Variants in HLTF observed in about 807,000 individuals in gnomAD.
The protein encoded by HLTF is DNA-dependent ATPase/E3 ubiquitin-protein ligase HLTF.
A neutral mutation model predicts 129.4 loss-of-function variants in HLTF; 127 were observed. The observed-to-expected ratio is 0.98, with a 90% confidence interval of 0.85 to 1.14. The LOEUF is 1.14. Ranked by LOEUF, HLTF falls within the 50% of genes most tolerant of loss-of-function variation. The pLI, the probability that HLTF is intolerant of heterozygous loss-of-function variation, is 0.00. For missense variants in HLTF, 1,139 were observed against 1,187.1 expected, an observed-to-expected ratio of 0.96 and a Z score of 0.60; for synonymous variants, 332 against 388.8, an observed-to-expected ratio of 0.85 and a Z score of 1.72.
At chr3:149,074,482 G>T in intron 3 of HLTF, 134 bp from the exon 4 acceptor site, 1 of 729,064 alleles carries the variant, frequency 1.4e-6, no homozygotes, top group Non-Finnish European at 2.0e-6. Context: ...TAGTTGGGCA[G>T]ACTTGAAAGA....
chr3:149,059,820 C>T lies in HLTF; in HGVS notation c.1286-13G>A, dbSNP rs1012612002. The T allele has an allele frequency of 1.9e-6, 3 of 1,560,730 alleles. No individual in the cohort carries two copies. Among genetic ancestry groups the T allele is most frequent in the Admixed American group, 1.8e-5 (1 of 54,544 alleles). ...TTAGAAGATCCTGCTGATAAAACAA[C>T]AAAGAATCTTAAATTTTTTTCAAAT... On this transcript the variant is annotated splice_polypyrimidine_tract_variant and intron_variant, in intron 12 of 24. Coordinates refer to ENST00000310053, the MANE Select transcript of HLTF (RefSeq NM_003071.4).
chr3:149,071,182 T>C, intron 7 of HLTF, 70 bp downstream of exon 7: 1 of 1,016,154 alleles, frequency 9.8e-7, no homozygotes, highest in Non-Finnish European at 1.4e-6. Flanking sequence ...CTCTTTTTAC[T>C]TCAAAATTAC....
In HLTF at chr3:149,048,009, ACTGT is replaced by A. The variant is rs758315818; in HGVS notation, c.1892+15_1892+18del. ...CAGTTATTTGTAACTAATATTAATC[ACTGT>A]CTGAAAGTACTTACCTAAGTCCTCC... On this transcript the variant is annotated intron_variant, in intron 17 of 24. Transcript: ENST00000310053. 24 of 1,568,800 alleles carry A rather than the reference ACTGT, an allele frequency of 1.5e-5. No individual in the cohort carries two copies. The Admixed American group carries it at 2.2e-4, about 14-fold the overall frequency.
At chr3:149,069,495 A>G (rs2108040334) in intron 7 of HLTF, among the ~76,000 whole-genome samples, 1 of 152,020 alleles carries the variant, frequency 6.6e-6, no homozygotes, top group South Asian at 2.1e-4. Context: ...AAAGAAGAAG[A>G]ATGTTCTTGA....
At chr3:149,048,557 G>A (rs1269646327) in intron 16 of HLTF, among the ~76,000 whole-genome samples, 2 of 152,134 alleles carry the variant, frequency 1.3e-5, no homozygotes, top group Non-Finnish European at 2.9e-5. Context: ...TTTGAGGATG[G>A]GAAACAGAAA....
intron 14 of HLTF, 79 bp downstream of exon 14, chr3:149,055,224 T>C: frequency 1.1e-6 from 1 of 946,794 alleles, no homozygotes; most frequent in Non-Finnish European, 1.6e-6. Flanking sequence ...CCCCAATGAA[T>C]GACTCTTTAA....
At position 149,039,658 on chromosome 3, in the gene HLTF, T is replaced by C. The variant is rs1559855601; in HGVS notation, c.2538A>G (p.Arg846=). The C allele has an allele frequency of 6.2e-7, 1 of 1,607,922 alleles. No individual in the cohort carries two copies. The part of the protein sequence containing the change: ...NALMHALTDL[R]KKNPNIKSLV... ...AACTTTTTATGTTGGGATTCTTCTT[T>C]CTTAAGTCAGTCAATGCGTGCATTA... The change falls in exon 22 of 25, where the codon AGA becomes AGG. Residue 846 remains arginine (R), a synonymous_variant. Coordinates refer to ENST00000310053, the MANE Select transcript of HLTF (RefSeq NM_003071.4).
intron 8 of HLTF, among the ~76,000 whole-genome samples, chr3:149,067,177 T>C (rs903022433): frequency 2.2e-4 from 34 of 151,114 alleles, no homozygotes; most frequent in African/African-American, 8.0e-4. Flanking sequence ...ATTATATACA[T>C]ATATATATGT....
At chr3:149,034,882 C>T in intron 24 of HLTF, 36 bp downstream of exon 24, 6 of 1,370,084 alleles carry the variant, frequency 4.4e-6, no homozygotes, top group Non-Finnish European at 6.3e-6. Flanking sequence ...AAAATCGTAT[C>T]AACCTAGTCT....
In HLTF at chr3:149,071,284, G is replaced by C; in HGVS notation, c.862C>G (p.His288Asp). ...ATATCATCAGCTAAAATTCCTCCAT[G>C]GACATTTTCTGGTCGGTCCTTCTCA... The part of the protein sequence containing the change: ...FSEKDRPENV[H>D]GGILADDMGL... The change falls in exon 7 of 25, where the codon CAT becomes GAT. Residue 288 changes from histidine (H) to aspartate (D), a missense_variant. Transcript: ENST00000310053. 6.3e-7 allele frequency: 1 copy of C among 1,596,006 alleles called. No individual in the cohort carries two copies. Among genetic ancestry groups the C allele is most frequent in the Non-Finnish European group, 8.5e-7 (1 of 1,171,836 alleles).
In HLTF at chr3:149,048,861, A is replaced by G. The variant is rs756385930; in HGVS notation, c.1756+2T>C. 6.2e-7 allele frequency: 1 copy of G among 1,610,826 alleles called. No individual in the cohort carries two copies. Among genetic ancestry groups the G allele is most frequent in the East Asian group, 2.2e-5 (1 of 44,808 alleles). On this transcript the variant is annotated splice_donor_variant, in intron 16 of 24. Transcript: ENST00000310053. LOFTEE classifies it high-confidence loss of function. ...TTTTAGTAAGTTTAATGCTATGATT[A>G]CCTGTCAAAACCCATCTTCTTTCTG...
At chr3:149,062,112 T>C (rs999654654) in intron 10 of HLTF, among the ~76,000 whole-genome samples, 1 of 152,174 alleles carries the variant, frequency 6.6e-6, no homozygotes, top group Non-Finnish European at 1.5e-5. Context: ...TGTTTCCTCA[T>C]AAGAAAAATA....
At chr3:149,048,808 CATA>C (rs1716755105) in intron 16 of HLTF, 52 bp downstream of exon 16, 3 of 1,383,366 alleles carry the variant, frequency 2.2e-6, no homozygotes, top group South Asian at 1.2e-5. Context: ...TACTAACTTA[CATA>C]ATGATATATT....
intron 14 of HLTF, among the ~76,000 whole-genome samples, chr3:149,053,840 A>T (rs1184250911): frequency 6.6e-6 from 1 of 152,140 alleles, no homozygotes; most frequent in Non-Finnish European, 1.5e-5. Flanking sequence ...GATAGTTTAT[A>T]CCTCCATTAA....
At chr3:149,047,985 A>G in intron 17 of HLTF, 43 bp downstream of exon 17, 1 of 1,509,148 alleles carries the variant, frequency 6.6e-7, no homozygotes, top group Non-Finnish European at 8.9e-7. Flanking sequence ...AGCTACTAAC[A>G]GTTATTTGTA....
At chr3:149,060,559 T>C in intron 12 of HLTF, 84 bp downstream of exon 12, 2 of 1,112,182 alleles carry the variant, frequency 1.8e-6, no homozygotes, top group Non-Finnish European at 2.6e-6. Flanking sequence ...TACTAAAACA[T>C]TCCAACCTAG....
chr3:149,069,511 C>T (rs532662181), intron 7 of HLTF, among the ~76,000 whole-genome samples: 11 of 151,166 alleles, frequency 7.3e-5, no homozygotes, highest in African/African-American at 2.7e-4. Flanking sequence ...CTTGACGAAG[C>T]AGTACACATT....
At position 149,039,184 on chromosome 3, in the gene HLTF, T is replaced by C. The variant is rs748522021; in HGVS notation, c.2661A>G (p.Gln887=). The change falls in exon 23 of 25, where the codon CAA becomes CAG. Residue 887 remains glutamine, a synonymous_variant. Coordinates refer to ENST00000310053, the MANE Select transcript of HLTF (RefSeq NM_003071.4). ...VFTRLDGSMA[Q]KKRVESIQCF... ...ACTGAATTGATTCAACTCTTTTCTTTTGGGCCATGGAACCATCCAAACGAG... is the reference window on the plus strand; with the variant it reads ...ACTGAATTGATTCAACTCTTTTCTTCTGGGCCATGGAACCATCCAAACGAG... 1 of 1,609,160 alleles carries C rather than the reference T, an allele frequency of 6.2e-7. No individual in the cohort carries two copies. Among genetic ancestry groups the C allele is most frequent in the Non-Finnish European group, 8.5e-7 (1 of 1,178,026 alleles).
At position 149,064,791 on chromosome 3, in the gene HLTF, C is replaced by A; in HGVS notation, c.1066G>T (p.Asp356Tyr). The A allele has an allele frequency of 6.5e-7, 1 of 1,545,964 alleles. No individual in the cohort carries two copies. Among genetic ancestry groups the A allele is most frequent in the Non-Finnish European group, 8.9e-7 (1 of 1,119,070 alleles). Residue 356 changes from aspartate to tyrosine, a missense_variant and splice_region_variant, in exon 9 of 25, where the codon GAC becomes TAC. By Grantham distance (160) the Asp-to-Tyr change is radical (BLOSUM62 -3). Transcript: ENST00000310053. Reference sequence around the variant, plus strand: ...GGATCATTTCAAAATTAGCATTTACCTTTGCTTAGTCCATCTGCCTTTTCA... The same window carrying A: ...GGATCATTTCAAAATTAGCATTTACATTTGCTTAGTCCATCTGCCTTTTCA... The part of the protein sequence containing the change: ...TSEKADGLSK[D>Y]ASRCSEQPSI...
Sources: gnomAD v4.1 joint callset for allele counts (sites outside exome capture counted in the v4.1 genomes callset) on GRCh38, gnomAD v4.1.1 for gene constraint, MANE v1.5 for transcripts, NCBI Gene and HGNC (gene_info 2026-07-23, HGNC 2026-07-21) for gene names.